The following DRAM1 variants were observed in gnomAD, a reference collection of about 807,000 sequenced individuals.
DRAM1 encodes DNA damage-regulated autophagy modulator protein 1.
Under a neutral mutation model 28.5 loss-of-function variants are expected in DRAM1, and 25 were observed. That is an observed-to-expected ratio of 0.88 (90% CI 0.64 to 1.23). DRAM1 has a LOEUF of 1.23. Ranked by LOEUF, DRAM1 falls within the 50% of genes most tolerant of loss-of-function variation. The pLI is 0.00. For synonymous variants in DRAM1, 113 were observed against 114.2 expected, an observed-to-expected ratio of 0.99 and a Z score of 0.07; for missense variants, 249 against 299.2, an observed-to-expected ratio of 0.83 and a Z score of 1.24.
At chr12:101,900,479 C>T (rs1449562410) in intron 2 of DRAM1, among the ~76,000 whole-genome samples, 3 of 152,040 alleles carry the variant, frequency 2.0e-5, no homozygotes, top group Non-Finnish European at 4.4e-5. Flanking sequence ...TAAAAAGTAA[C>T]TACAAATTAG....
intron 1 of DRAM1, 63 bp from the exon 2 acceptor site, chr12:101,897,800 G>A: frequency 8.3e-7 from 1 of 1,198,094 alleles, no homozygotes; most frequent in Non-Finnish European, 1.2e-6. Context: ...CCAATTACGT[G>A]TCTTCCCAGA....
chr12:101,882,737 A>G (rs1461590281), intron 1 of DRAM1, among the ~76,000 whole-genome samples: 1 of 151,058 alleles, frequency 6.6e-6, no homozygotes, highest in Admixed American at 6.6e-5. Context: ...CATTGCTTAC[A>G]GGAACGTGAA....
intron 1 of DRAM1, among the ~76,000 whole-genome samples, chr12:101,885,525 C>CTTTT (rs11342964): frequency 1.0e-5 from 1 of 96,408 alleles, no homozygotes. Context: ...TCCCACTGGA[C>CTTTT]TTTTTTTTTT....
At chr12:101,909,255 C>T (rs373544957) in intron 4 of DRAM1, among the ~76,000 whole-genome samples, 1 of 118,126 alleles carries the variant, frequency 8.5e-6, no homozygotes, top group Non-Finnish European at 1.8e-5. Flanking sequence ...GAGTGAAACT[C>T]CGTCTCAAAA....
intron 1 of DRAM1, chr12:101,890,073 T>A: frequency 2.2e-6 from 1 of 453,178 alleles, no homozygotes; most frequent in African/African-American, 2.0e-5. Context: ...TTCTTTTTTC[T>A]TTTTTGATTT....
intron 1 of DRAM1, among the ~76,000 whole-genome samples, chr12:101,891,636 A>G (rs1350477113): frequency 1.3e-5 from 2 of 152,224 alleles, no homozygotes; most frequent in Admixed American, 6.5e-5. Context: ...CCTAGGCACA[A>G]CCTACCCCTA....
intron 4 of DRAM1, among the ~76,000 whole-genome samples, chr12:101,909,057 T>A (rs1434741640): frequency 2.0e-5 from 3 of 150,492 alleles, no homozygotes. Context: ...AGGTTGAGAG[T>A]TCAAGACCAG....
At chr12:101,892,731 T>G (rs1038734289) in intron 1 of DRAM1, among the ~76,000 whole-genome samples, 1 of 152,184 alleles carries the variant, frequency 6.6e-6, no homozygotes, top group Non-Finnish European at 1.5e-5. Flanking sequence ...TAAAATTATT[T>G]TTATGTATTT....
chr12:101,878,917 CT>C (rs1386403631), intron 1 of DRAM1, among the ~76,000 whole-genome samples: 6 of 151,522 alleles, frequency 4.0e-5, no homozygotes, highest in African/African-American at 1.5e-4. Flanking sequence ...TGTTTTTTTC[CT>C]TTTTTTGGGG....
chr12:101,901,259 T>C (rs781228113), intron 2 of DRAM1, 32 bp from the exon 3 acceptor site: 1 of 1,596,998 alleles, frequency 6.3e-7, no homozygotes, highest in South Asian at 1.1e-5. Flanking sequence ...CATCAAATTA[T>C]GAACATTCAT....
chr12:101,896,827 G>T (rs771012352), intron 1 of DRAM1, among the ~76,000 whole-genome samples: 11 of 148,676 alleles, frequency 7.4e-5, no homozygotes, highest in Admixed American at 3.4e-4. Context: ...CACTGTTGTT[G>T]CTTAGGCTGG....
chr12:101,909,025 G>T (rs1426800807), intron 4 of DRAM1, among the ~76,000 whole-genome samples: 4 of 151,960 alleles, frequency 2.6e-5, no homozygotes, highest in Non-Finnish European at 5.9e-5. Flanking sequence ...ACTTTGGGAG[G>T]CTCAGGTGGG....
chr12:101,920,297 C>CTTT lies in DRAM1; in HGVS notation c.672+113_672+115dup, dbSNP rs373899697. On this transcript the variant is annotated intron_variant, in intron 6 of 6. Coordinates refer to ENST00000258534, the MANE Select transcript of DRAM1 (RefSeq NM_018370.3). ...TTTGCATTTTTAAAAAGAGCACTTTCTTTTTTTTTTTTTTTTTTTGAGACG... is the reference window on the plus strand; with the variant it reads ...TTTGCATTTTTAAAAAGAGCACTTTCTTTTTTTTTTTTTTTTTTTTTTGAGACG... 147 of 277,218 alleles carry CTTT rather than the reference C, an allele frequency of 5.3e-4. 1 individual carries two copies. Among genetic ancestry groups the CTTT allele is most frequent in the South Asian group, 2.6e-3 (44 of 17,238 alleles). The allele number at this position is 277,218 out of a possible 1,614,324, so 17.2% of individuals were successfully genotyped here. A position where few individuals can be genotyped will look rare whatever the true frequency, so the allele number is the denominator to read the frequency against.
chr12:101,880,170 C>T (rs1169437004), intron 1 of DRAM1, among the ~76,000 whole-genome samples: 1 of 151,844 alleles, frequency 6.6e-6, no homozygotes, highest in Non-Finnish European at 1.5e-5. Flanking sequence ...ACCTCAGCCT[C>T]CTGAATAGCT....
chr12:101,915,312 T>A (rs1358116614), intron 5 of DRAM1, among the ~76,000 whole-genome samples: 3 of 151,342 alleles, frequency 2.0e-5, no homozygotes, highest in Admixed American at 1.3e-4. Context: ...CAACTATCTA[T>A]CTTTAGTAAA....
chr12:101,914,806 C>T (rs957864477), intron 5 of DRAM1, among the ~76,000 whole-genome samples: 38 of 150,624 alleles, frequency 2.5e-4, no homozygotes, highest in Admixed American at 4.6e-4. Flanking sequence ...CACAGGCGTG[C>T]GCCACATGCC....
At chr12:101,893,631 CA>C (rs2121063737) in intron 1 of DRAM1, among the ~76,000 whole-genome samples, 1 of 152,306 alleles carries the variant, frequency 6.6e-6, no homozygotes, top group African/African-American at 2.4e-5. Context: ...CTCTAATACC[CA>C]ATTTCCTACT....
At chr12:101,881,523 C>T (rs571897899) in intron 1 of DRAM1, among the ~76,000 whole-genome samples, 1 of 152,218 alleles carries the variant, frequency 6.6e-6, no homozygotes, top group South Asian at 2.1e-4. Flanking sequence ...ATCACCTCCT[C>T]CTCTCCTCTA....
intron 3 of DRAM1, among the ~76,000 whole-genome samples, chr12:101,907,014 C>G (rs963167048): frequency 6.6e-6 from 1 of 151,156 alleles, no homozygotes; most frequent in African/African-American, 2.4e-5. Context: ...ATGGCAGGGA[C>G]AGGGAACTTG....
Sources: gnomAD v4.1 joint callset for allele counts (sites outside exome capture counted in the v4.1 genomes callset) on GRCh38, gnomAD v4.1.1 for gene constraint, MANE v1.5 for transcripts, NCBI Gene and HGNC (gene_info 2026-07-23, HGNC 2026-07-21) for gene names.